Variants in FARS2 observed in about 807,000 individuals in gnomAD.
The protein encoded by FARS2 is phenylalanine--tRNA ligase, mitochondrial.
In FARS2, 40 loss-of-function variants were observed where a neutral mutation model predicts 46.4. The observed-to-expected ratio is 0.86, with a 90% confidence interval of 0.67 to 1.12. FARS2 has a LOEUF of 1.12. Ranked by LOEUF, FARS2 falls within the 50% of genes most tolerant of loss-of-function variation. The pLI, the probability that FARS2 is intolerant of heterozygous loss-of-function variation, is 0.00. For synonymous variants in FARS2, 234 were observed against 214.9 expected (o/e 1.09, Z -0.78); for missense variants, 513 against 567.9 (o/e 0.90, Z 0.98).
intron 4 of FARS2, among the ~76,000 whole-genome samples, chr6:5,505,017 A>G (rs924947962): frequency 1.1e-4 from 16 of 152,196 alleles, no homozygotes; most frequent in Non-Finnish European, 1.5e-4. Flanking sequence ...TTTCTGAATA[A>G]GAGTGATTAT....
intron 6 of FARS2, among the ~76,000 whole-genome samples, chr6:5,647,441 G>A (rs1055924309): frequency 2.0e-5 from 3 of 152,184 alleles, no homozygotes; most frequent in Non-Finnish European, 4.4e-5. Flanking sequence ...AAACTAACAC[G>A]AGCTAGGAAA....
intron 6 of FARS2, among the ~76,000 whole-genome samples, chr6:5,664,796 A>G (rs929359999): frequency 2.6e-5 from 4 of 152,198 alleles, no homozygotes; most frequent in African/African-American, 9.6e-5. Flanking sequence ...CTATGGGTCT[A>G]TCATTCAGTA....
chr6:5,253,068 A>T, the FARS2 span, among the ~76,000 whole-genome samples: 4 of 152,290 alleles, frequency 2.6e-5, no homozygotes, highest in African/African-American at 9.6e-5. Flanking sequence ...AGGAGCTTGT[A>T]ATGTTTTACC....
intron 5 of FARS2, among the ~76,000 whole-genome samples, chr6:5,582,755 A>G (rs1188309109): frequency 6.6e-6 from 1 of 152,236 alleles, no homozygotes; most frequent in Non-Finnish European, 1.5e-5. Flanking sequence ...AACTTCTACA[A>G]AGTTAAAAAA....
chr6:5,593,992 C>T (rs943781367), intron 5 of FARS2, among the ~76,000 whole-genome samples: 1 of 152,198 alleles, frequency 6.6e-6, no homozygotes, highest in Non-Finnish European at 1.5e-5. Context: ...CAGGCACCTC[C>T]AGTCCTGTTC....
At chr6:5,669,688 T>C (rs1430201726) in intron 6 of FARS2, among the ~76,000 whole-genome samples, 4 of 152,174 alleles carry the variant, frequency 2.6e-5, no homozygotes, top group Non-Finnish European at 1.5e-5. Context: ...TCCCAAATCC[T>C]GCCCTGCTAG....
intron 6 of FARS2, among the ~76,000 whole-genome samples, chr6:5,755,644 G>A (rs548004571): frequency 1.1e-4 from 16 of 152,078 alleles, no homozygotes; most frequent in Non-Finnish European, 1.9e-4. Context: ...TTGGGACACT[G>A]ATCCTTCTGT....
At chr6:5,427,843 T>G (rs546625825) in intron 3 of FARS2, among the ~76,000 whole-genome samples, 56 of 152,348 alleles carry the variant, frequency 3.7e-4, no homozygotes, top group Non-Finnish European at 6.2e-4. Context: ...GAGCAAGGGT[T>G]GATAAAACAT....
intron 6 of FARS2, among the ~76,000 whole-genome samples, chr6:5,674,853 A>G (rs1778675556): frequency 2.0e-5 from 3 of 152,150 alleles, no homozygotes; most frequent in Admixed American, 2.0e-4. Context: ...GGATTTTTTA[A>G]AGAAATTGCC....
At chr6:5,546,133 A>G (rs1172159737) in intron 5 of FARS2, among the ~76,000 whole-genome samples, 2 of 152,168 alleles carry the variant, frequency 1.3e-5, no homozygotes, top group Non-Finnish European at 2.9e-5. Flanking sequence ...TGTCTCAAAA[A>G]AAAAGAAGTT....
rs1293651009 is a variant in FARS2, at chr6:5,343,490, G to A, written c.-21-25060G>A. ...GCCTCTGAAAGTGCTGGGATTACAGGCGTGAACCACCGCGCCTGGCCTACA... is the reference window on the plus strand; with the variant it reads ...GCCTCTGAAAGTGCTGGGATTACAGACGTGAACCACCGCGCCTGGCCTACA... On this transcript the variant is annotated intron_variant, in intron 1 of 6. Coordinates refer to ENST00000274680, the MANE Select transcript of FARS2 (RefSeq NM_006567.5). This position sits in a 1 kb window ranked among gnomAD's most constrained non-coding sequence, Gnocchi z 4.5. Among the ~76,000 whole-genome samples the A allele has an allele frequency of 6.6e-6, 1 of 152,184 alleles. No homozygotes were observed. The highest frequency in any genetic ancestry group is 1.5e-5 in the Non-Finnish European group (1 of 68,038).
At chr6:5,419,524 C>T (rs1311932584) in intron 3 of FARS2, among the ~76,000 whole-genome samples, 2 of 152,230 alleles carry the variant, frequency 1.3e-5, no homozygotes, top group African/African-American at 4.8e-5. Flanking sequence ...CCCCATCCCC[C>T]GTCTCTTACT....
At chr6:5,362,989 C>T (rs1479717107) in intron 1 of FARS2, among the ~76,000 whole-genome samples, 2 of 146,256 alleles carry the variant, frequency 1.4e-5, no homozygotes, top group Non-Finnish European at 3.0e-5. Context: ...TGCAGTGGCG[C>T]GATCTCGGCC....
chr6:5,557,129 G>A (rs1294692841), intron 5 of FARS2, among the ~76,000 whole-genome samples: 3 of 152,168 alleles, frequency 2.0e-5, no homozygotes, highest in Non-Finnish European at 4.4e-5. Flanking sequence ...TATCAATTAA[G>A]TGTTGATGGA....
chr6:5,708,873 AGGCTGGT>A (rs1222210697), intron 6 of FARS2, among the ~76,000 whole-genome samples: 1 of 152,180 alleles, frequency 6.6e-6, no homozygotes, highest in African/African-American at 2.4e-5. Context: ...TATGTTGCCC[AGGCTGGT>A]CTTGAAATCC....
At chr6:5,338,003 T>C (rs1007154970) in intron 1 of FARS2, among the ~76,000 whole-genome samples, 3 of 152,148 alleles carry the variant, frequency 2.0e-5, no homozygotes, top group African/African-American at 7.2e-5. Context: ...AAATAGTAGA[T>C]TTGAAAACTT....
chr6:5,366,318 T>A (rs1202774490), intron 1 of FARS2, among the ~76,000 whole-genome samples: 1 of 152,240 alleles, frequency 6.6e-6, no homozygotes, highest in East Asian at 1.9e-4. Context: ...ATGTCGTTGG[T>A]CTTATCCTCC....
intron 1 of FARS2, among the ~76,000 whole-genome samples, chr6:5,303,519 G>A (rs1305821517): frequency 6.6e-6 from 1 of 152,028 alleles, no homozygotes; most frequent in Non-Finnish European, 1.5e-5. Flanking sequence ...GTCAGCTCGG[G>A]AGAGCCGCTC....
At chr6:5,628,479 C>G (rs1776140997) in intron 6 of FARS2, among the ~76,000 whole-genome samples, 1 of 152,220 alleles carries the variant, frequency 6.6e-6, no homozygotes, top group Admixed American at 6.5e-5. Context: ...AGTAAGGGAG[C>G]CTCCACGTTG....
Sources: allele counts gnomAD v4.1 joint callset (sites outside exome capture counted in the v4.1 genomes callset), GRCh38; gene constraint gnomAD v4.1.1; non-coding constraint Gnocchi (gnomAD v3.1); transcripts MANE v1.5; gene names NCBI Gene and HGNC (gene_info 2026-07-23, HGNC 2026-07-21).